Variants in EPB41L3 observed in about 807,000 individuals in gnomAD.
EPB41L3 encodes band 4.1-like protein 3.
A neutral mutation model predicts 127.1 loss-of-function variants in EPB41L3; 57 were observed. That is an observed-to-expected ratio of 0.45 (90% CI 0.36 to 0.56). EPB41L3 has a LOEUF of 0.56. EPB41L3 is among the 20% of genes least tolerant of loss of function. EPB41L3 has a pLI of 0.00. For synonymous variants in EPB41L3, 572 were observed against 549.5 expected, an observed-to-expected ratio of 1.04 and a Z score of -0.57; for missense variants, 1,273 against 1,372.2, an observed-to-expected ratio of 0.93 and a Z score of 1.14.
intron 1 of EPB41L3, among the ~76,000 whole-genome samples, chr18:5,628,646 G>A (rs2094951237): frequency 6.6e-6 from 1 of 152,242 alleles, no homozygotes; most frequent in Non-Finnish European, 1.5e-5. Context: ...TCGCCAGCCC[G>A]AGCGAGCCCA....
intron 1 of EPB41L3, among the ~76,000 whole-genome samples, chr18:5,504,096 A>G (rs1476703453): frequency 6.6e-6 from 1 of 152,188 alleles, no homozygotes; most frequent in Non-Finnish European, 1.5e-5. Flanking sequence ...AAAAGAGAGA[A>G]GCCTGCACAG....
chr18:5,630,569 T>C (rs1389938168), upstream of EPB41L3: 1 of 513,410 alleles, frequency 1.9e-6, no homozygotes, highest in East Asian at 5.6e-5. Flanking sequence ...AAAGAGCTCC[T>C]GGAGGCTGGA....
intron 1 of EPB41L3, among the ~76,000 whole-genome samples, chr18:5,492,263 T>C (rs997016924): frequency 2.0e-5 from 3 of 152,104 alleles, no homozygotes; most frequent in African/African-American, 7.2e-5. Flanking sequence ...GAATTTGCAG[T>C]GAGCCGAGAT....
chr18:5,551,617 G>A (rs1024690924), intron 3 of EPB41L3, among the ~76,000 whole-genome samples: 3 of 152,112 alleles, frequency 2.0e-5, no homozygotes, highest in Non-Finnish European at 2.9e-5. Context: ...GTACTCAGGA[G>A]GCTAAGGTGG....
At chr18:5,422,791 A>G (rs1473148842) in intron 11 of EPB41L3, among the ~76,000 whole-genome samples, 1 of 152,200 alleles carries the variant, frequency 6.6e-6, no homozygotes, top group Non-Finnish European at 1.5e-5. Context: ...GACTAATTTA[A>G]CTTGGCAGTA....
At chr18:5,557,592 G>T (rs1306855591) in intron 3 of EPB41L3, among the ~76,000 whole-genome samples, 1 of 152,110 alleles carries the variant, frequency 6.6e-6, no homozygotes, top group Admixed American at 6.5e-5. Flanking sequence ...CGCCAGGTTG[G>T]CCAGGCTGGT....
chr18:5,395,087 C>T lies in EPB41L3; in HGVS notation c.3133G>A (p.Ala1045Thr). Residue 1045 changes from alanine (A) to threonine (T), a missense_variant, in exon 21 of 23, where the codon GCA becomes ACA. Ala to Thr is a moderately conservative substitution (Grantham distance 58, BLOSUM62 0). Transcript: ENST00000341928. ...ACTACCTGGTCATGGTCAATGTCTG[C>T]ATCCCCCGTGATGACTATTCGCTTC... ...IEKRIVITGDADIDHDQALAQ... is the reference protein window; with the variant it reads ...IEKRIVITGDTDIDHDQALAQ... 1.2e-6 allele frequency: 2 copies of T among 1,614,154 alleles called. No homozygotes were observed. Among genetic ancestry groups the T allele is most frequent in the Non-Finnish European group, 8.5e-7 (1 of 1,180,004 alleles).
chr18:5,609,128 T>C (rs536678051), intron 3 of EPB41L3, among the ~76,000 whole-genome samples: 42 of 152,354 alleles, frequency 2.8e-4, no homozygotes, highest in African/African-American at 9.6e-4. Flanking sequence ...GCTAAGACAG[T>C]GACATGGCAG....
intron 16 of EPB41L3, 79 bp from the exon 17 acceptor site, chr18:5,398,222 G>A: frequency 6.4e-7 from 1 of 1,555,552 alleles, no homozygotes; most frequent in South Asian, 1.2e-5. Context: ...CAGCTTGTTA[G>A]ACAAAATCGT....
At chr18:5,605,783 T>C (rs543282525) in intron 3 of EPB41L3, among the ~76,000 whole-genome samples, 25 of 152,100 alleles carry the variant, frequency 1.6e-4, no homozygotes, top group Non-Finnish European at 2.9e-4. Context: ...ATCACTCCCA[T>C]AATATGCGAA....
At chr18:5,585,360 G>A (rs374099971) in intron 3 of EPB41L3, among the ~76,000 whole-genome samples, 4 of 152,202 alleles carry the variant, frequency 2.6e-5, no homozygotes, top group African/African-American at 7.2e-5. Flanking sequence ...CTGGAGTGCC[G>A]TAGTGCGATC....
chr18:5,532,828 C>G (rs986189144), intron 1 of EPB41L3, among the ~76,000 whole-genome samples: 2 of 152,040 alleles, frequency 1.3e-5, no homozygotes, highest in African/African-American at 2.4e-5. Flanking sequence ...CCCTTACACA[C>G]TCTAATATGA....
intron 5 of EPB41L3, among the ~76,000 whole-genome samples, chr18:5,443,483 T>C (rs2081070393): frequency 6.6e-6 from 1 of 152,252 alleles, no homozygotes; most frequent in Admixed American, 6.5e-5. Flanking sequence ...GTTATTCCTT[T>C]TCAAAGCTAT....
intron 1 of EPB41L3, among the ~76,000 whole-genome samples, chr18:5,536,929 G>A (rs181170758): frequency 2.5e-4 from 38 of 152,194 alleles, no homozygotes; most frequent in African/African-American, 8.9e-4. Context: ...ATCTACATAT[G>A]AGTCTGTATA....
chr18:5,522,910 GA>G (rs562287518), intron 1 of EPB41L3, among the ~76,000 whole-genome samples: 185 of 152,250 alleles, frequency 1.2e-3, no homozygotes, highest in Non-Finnish European at 2.1e-3. Context: ...AACGGAAAAT[GA>G]TATTACTTTT....
intron 3 of EPB41L3, among the ~76,000 whole-genome samples, chr18:5,604,212 T>TCA (rs2143861055): frequency 6.6e-6 from 1 of 152,196 alleles, no homozygotes; most frequent in Non-Finnish European, 1.5e-5. Flanking sequence ...TAAATGTCCT[T>TCA]ACCCACCAAT....
intron 1 of EPB41L3, among the ~76,000 whole-genome samples, chr18:5,492,732 T>C (rs958814101): frequency 9.9e-5 from 15 of 152,176 alleles, no homozygotes; most frequent in Admixed American, 2.6e-4. Context: ...TACCTTAAAA[T>C]TGTGTTTTGC....
chr18:5,438,719 A>G (rs1375635238), intron 5 of EPB41L3, among the ~76,000 whole-genome samples: 6 of 152,158 alleles, frequency 3.9e-5, no homozygotes, highest in Non-Finnish European at 7.3e-5. Context: ...TATTTTCTGC[A>G]TATTGCCAAA....
In EPB41L3 at chr18:5,540,810, C is replaced by T. The variant is rs544986500; in HGVS notation, c.-12+3103G>A. Among the ~76,000 whole-genome samples the T allele has an allele frequency of 1.8e-4, 27 of 152,178 alleles. No homozygotes were observed. The East Asian group carries it at 5.2e-3, about 29-fold the overall frequency. On this transcript the variant is annotated intron_variant, in intron 1 of 22. Transcript: ENST00000341928. ...ACTCAAGAACCCTCTCTCCGCCGGG[C>T]GCGGTGGCTCACGCCTGTAATCCCA...
Sources: gnomAD v4.1 joint callset for allele counts (sites outside exome capture counted in the v4.1 genomes callset) on GRCh38, gnomAD v4.1.1 for gene constraint, MANE v1.5 for transcripts, NCBI Gene and HGNC (gene_info 2026-07-23, HGNC 2026-07-21) for gene names.